The following FGF13 variants were observed in gnomAD, a reference collection of about 807,000 sequenced individuals.
FGF13 encodes fibroblast growth factor 13.
A neutral mutation model predicts 19.5 loss-of-function variants in FGF13; 2 were observed. The observed-to-expected ratio is 0.10, with a 90% CI of 0.04 to 0.32. FGF13 has a LOEUF of 0.32. Ranked by LOEUF, FGF13 falls within the 10% of genes least tolerant of loss-of-function variation. The probability of loss-of-function intolerance (pLI) is 1.00; values close to 1 mark genes in which losing one functional copy is unlikely to be tolerated. For synonymous variants in FGF13, 72 were observed against 76.9 expected (o/e 0.94, Z 0.33); for missense variants, 113 against 192.7 (o/e 0.59, Z 2.45).
intron 1 of FGF13, among the ~76,000 whole-genome samples, chrX:139,040,169 T>A (rs1294058692): frequency 8.9e-6 from 1 of 112,105 alleles, no homozygotes; most frequent in Admixed American, 9.4e-5. Flanking sequence ...GTAAGTACTA[T>A]CATTAGTCTG....
At chrX:139,179,454 T>TAAAAAA (rs56319515) in intron 1 of FGF13, among the ~76,000 whole-genome samples, 1 of 102,402 alleles carries the variant, frequency 9.8e-6, no homozygotes, top group African/African-American at 3.5e-5. Context: ...TCCAGGACAT[T>TAAAAAA]AAAAAAAAAA....
rs200157587 is a variant in FGF13, at chrX:138,942,848, GT to G, written c.-112-78199del. ...TACTGTGTTCTTCAAGTATCTTGTT[GT>G]TTTTTTTGTTTGTTTGTTTGTTTTG... is the stretch of plus-strand genomic sequence containing the variant. On this transcript the variant is annotated intron_variant, in intron 1 of 2. Coordinates refer to the FGF13 transcript ENST00000421460. Among the ~76,000 whole-genome samples, 3 of 110,899 alleles carry G rather than the reference GT, an allele frequency of 2.7e-5. No individual in the cohort carries two copies. The Admixed American group carries it at 2.9e-4, about 11-fold the overall frequency.
intron 1 of FGF13, among the ~76,000 whole-genome samples, chrX:139,142,948 A>G (rs1280586953): frequency 8.9e-6 from 1 of 111,995 alleles, no homozygotes; most frequent in Non-Finnish European, 1.9e-5. Flanking sequence ...CACATATCAC[A>G]AAAAGAAATA....
intron 3 of FGF13, among the ~76,000 whole-genome samples, chrX:138,849,550 C>T (rs1349792502): frequency 8.9e-6 from 1 of 111,826 alleles, no homozygotes; most frequent in African/African-American, 3.2e-5. Context: ...CCTTAATAGA[C>T]GTAGACTTCT....
intron 1 of FGF13, among the ~76,000 whole-genome samples, chrX:138,864,959 G>A (rs1453140251): frequency 9.0e-6 from 1 of 111,649 alleles, no homozygotes. Flanking sequence ...GAACTTAAGT[G>A]AGCCTCACAG....
At chrX:138,847,469 G>T in intron 3 of FGF13, among the ~76,000 whole-genome samples, 1 of 111,649 alleles carries the variant, frequency 9.0e-6, no homozygotes, top group Non-Finnish European at 1.9e-5. Context: ...AATAGCTAGG[G>T]CTCATAAGTA....
At chrX:139,106,033 A>G (rs1395233413) in intron 1 of FGF13, among the ~76,000 whole-genome samples, 1 of 112,389 alleles carries the variant, frequency 8.9e-6, no homozygotes, top group Non-Finnish European at 1.9e-5. Flanking sequence ...TGTTGGCAAT[A>G]GCAGCATTCC....
intron 1 of FGF13, among the ~76,000 whole-genome samples, chrX:139,085,348 C>T (rs760647308): frequency 7.5e-4 from 84 of 111,988 alleles, no homozygotes; most frequent in Non-Finnish European, 1.1e-3. Context: ...CTCTCCTCAT[C>T]TCTAAAATGG....
intron 1 of FGF13, among the ~76,000 whole-genome samples, chrX:138,953,605 CA>C (rs2091825784): frequency 9.0e-6 from 1 of 111,350 alleles, no homozygotes; most frequent in African/African-American, 3.3e-5. Context: ...CATCTGTCTG[CA>C]AAAATACCTG....
At chrX:139,042,488 G>A (rs1171629280) in intron 1 of FGF13, among the ~76,000 whole-genome samples, 1 of 112,007 alleles carries the variant, frequency 8.9e-6, no homozygotes, top group Non-Finnish European at 1.9e-5. Flanking sequence ...CATGATGATG[G>A]TAAATTCAGT....
At chrX:139,144,017 A>T (rs370723937) in intron 1 of FGF13, among the ~76,000 whole-genome samples, 7 of 111,585 alleles carry the variant, frequency 6.3e-5, no homozygotes, top group African/African-American at 2.3e-4. Context: ...GCAGACCACC[A>T]ACATGCAAGC....
intron 1 of FGF13, among the ~76,000 whole-genome samples, chrX:138,896,769 T>G (rs374260774): frequency 8.9e-6 from 1 of 111,998 alleles, no homozygotes; most frequent in African/African-American, 3.2e-5. Flanking sequence ...CACTTTTACA[T>G]GCCATTCCTC....
At chrX:138,880,871 C>T (rs988512654) in intron 1 of FGF13, among the ~76,000 whole-genome samples, 1 of 111,618 alleles carries the variant, frequency 9.0e-6, no homozygotes. Flanking sequence ...AGTCCTCCAA[C>T]TTTGTTCTTC....
chrX:138,942,062 G>A (rs1388560353), intron 1 of FGF13, among the ~76,000 whole-genome samples: 1 of 112,034 alleles, frequency 8.9e-6, no homozygotes, highest in African/African-American at 3.2e-5. Flanking sequence ...AAATGCTGTC[G>A]TGCTCATCTA....
intron 1 of FGF13, among the ~76,000 whole-genome samples, chrX:138,876,937 T>C (rs745327400): frequency 8.9e-5 from 10 of 112,640 alleles, no homozygotes; most frequent in African/African-American, 2.9e-4. Flanking sequence ...AGAATCTAAG[T>C]AAAGCAAATA....
intron 1 of FGF13, among the ~76,000 whole-genome samples, chrX:138,889,190 C>A (rs2091465146): frequency 9.0e-6 from 1 of 111,574 alleles, no homozygotes; most frequent in South Asian, 3.8e-4. Flanking sequence ...GAGAAAAGGC[C>A]TTCTTTGCTG....
downstream of FGF13, among the ~76,000 whole-genome samples, chrX:138,856,310 T>C (rs1245047579): frequency 9.0e-6 from 1 of 111,576 alleles, no homozygotes; most frequent in Non-Finnish European, 1.9e-5. Context: ...TCTCATTTTC[T>C]GCCAATGATT....
At chrX:138,857,761 G>A in intron 2 of FGF13, 4 of 840,427 alleles carry the variant, frequency 4.8e-6, no homozygotes, top group Non-Finnish European at 4.7e-6. Flanking sequence ...ATACTCCCAG[G>A]GAAGACTAAA....
chrX:138,950,057 T>C lies in FGF13; in HGVS notation c.-112-85407A>G, dbSNP rs185295217. Among the ~76,000 whole-genome samples the C allele has an allele frequency of 3.6e-5, 4 of 112,097 alleles. No homozygotes were observed. The Admixed American group carries it at 3.8e-4, about 11-fold the overall frequency. On this transcript the variant is annotated intron_variant, in intron 1 of 2. Transcript: ENST00000421460. ...GAAGGATGTTAAAAATGGAAATGTA[T>C]GGAGCAAGTTCCACATTCTTCTCTA...
Sources: gnomAD v4.1 joint callset for allele counts (sites outside exome capture counted in the v4.1 genomes callset) on GRCh38, gnomAD v4.1.1 for gene constraint, MANE v1.5 for transcripts, NCBI Gene and HGNC (gene_info 2026-07-23, HGNC 2026-07-21) for gene names.